Variants in KHDRBS2 observed in about 807,000 individuals in gnomAD.
KHDRBS2 encodes the protein KH RNA binding domain containing, signal transduction associated 2.
KHDRBS2 carries 26 observed loss-of-function variants against 44.3 expected under a neutral mutation model. The ratio of observed to expected loss-of-function variants is 0.59; its 90% CI spans 0.43 to 0.81. The LOEUF (loss-of-function observed/expected upper bound fraction) is 0.81, where lower values mean the gene tolerates loss of function less well. KHDRBS2 is among the 40% of genes least tolerant of loss of function. KHDRBS2 has a pLI of 0.00. For missense variants in KHDRBS2, 476 were observed against 433.1 expected (o/e 1.10, Z -0.88); for synonymous variants, 194 against 151.1 (o/e 1.28, Z -2.08).
intron 1 of KHDRBS2, among the ~76,000 whole-genome samples, chr6:62,272,856 G>A (rs749360123): frequency 6.6e-6 from 1 of 152,126 alleles, no homozygotes; most frequent in African/African-American, 2.4e-5. Context: ...AAGTTAGAAA[G>A]GTGGAAGTAG....
intron 6 of KHDRBS2, among the ~76,000 whole-genome samples, chr6:61,886,593 G>A (rs1305897595): frequency 6.6e-6 from 1 of 152,088 alleles, no homozygotes; most frequent in African/African-American, 2.4e-5. Flanking sequence ...GTGTGCATAT[G>A]TATAACCTTT....
intron 1 of KHDRBS2, among the ~76,000 whole-genome samples, chr6:62,252,484 A>G (rs1836712090): frequency 1.3e-5 from 2 of 151,612 alleles, no homozygotes; most frequent in African/African-American, 2.4e-5. Context: ...TAGATATTGG[A>G]TTTTTTTTAC....
chr6:61,667,897 T>C, the KHDRBS2 span, among the ~76,000 whole-genome samples: 1 of 151,210 alleles, frequency 6.6e-6, no homozygotes, highest in Admixed American at 6.6e-5. Context: ...ACTTAAAATA[T>C]TCAAATATCT....
chr6:62,112,912 C>T (rs868151659), intron 2 of KHDRBS2, among the ~76,000 whole-genome samples: 7 of 152,146 alleles, frequency 4.6e-5, no homozygotes, highest in Admixed American at 1.3e-4. Flanking sequence ...CTAAAATACA[C>T]GCCAAAGTTG....
At chr6:61,595,658 T>G in the KHDRBS2 span, among the ~76,000 whole-genome samples, 1 of 151,952 alleles carries the variant, frequency 6.6e-6, no homozygotes, top group African/African-American at 2.4e-5. Flanking sequence ...GAAAGTAATT[T>G]TGAGCTGTTT....
chr6:62,161,471 C>T (rs936015219), intron 2 of KHDRBS2, among the ~76,000 whole-genome samples: 14 of 145,930 alleles, frequency 9.6e-5, no homozygotes, highest in African/African-American at 3.3e-4. Context: ...TTATGAGTAA[C>T]CTAGATATCA....
chr6:61,650,409 G>GT, the KHDRBS2 span, among the ~76,000 whole-genome samples: 937 of 148,810 alleles, frequency 6.3e-3, 15 homozygotes, highest in South Asian at 0.061. Context: ...TTAAAAAAAT[G>GT]TTTTTTTTTT....
At chr6:62,001,709 G>T (rs533988026) in intron 3 of KHDRBS2, among the ~76,000 whole-genome samples, 1 of 152,164 alleles carries the variant, frequency 6.6e-6, no homozygotes, top group South Asian at 2.1e-4. Flanking sequence ...GACGAATTTG[G>T]TCTTTCCATG....
intron 1 of KHDRBS2, among the ~76,000 whole-genome samples, chr6:62,266,919 A>C (rs1472311798): frequency 1.3e-5 from 2 of 152,044 alleles, no homozygotes; most frequent in Non-Finnish European, 2.9e-5. Context: ...CATTCAAATA[A>C]AAAATATTTT....
At chr6:61,609,922 C>T in the KHDRBS2 span, among the ~76,000 whole-genome samples, 3 of 152,042 alleles carry the variant, frequency 2.0e-5, no homozygotes, top group African/African-American at 7.2e-5. Context: ...GCCTAAAATC[C>T]CAGCATTTTG....
chr6:61,954,832 ATATG>A (rs769331115), intron 4 of KHDRBS2, among the ~76,000 whole-genome samples: 1,905 of 89,130 alleles, frequency 0.021, 128 homozygotes, highest in African/African-American at 0.035. Context: ...ATACACATGC[ATATG>A]TATGTATACA....
intron 2 of KHDRBS2, among the ~76,000 whole-genome samples, chr6:62,130,307 A>G (rs1370643094): frequency 2.0e-5 from 3 of 152,194 alleles, no homozygotes; most frequent in African/African-American, 7.2e-5. Context: ...CACCTCACCA[A>G]TAATCATCCA....
chr6:62,080,999 C>A (rs1023277069), intron 2 of KHDRBS2, among the ~76,000 whole-genome samples: 3 of 152,130 alleles, frequency 2.0e-5, no homozygotes, highest in African/African-American at 4.8e-5. Flanking sequence ...CCTGGAAGCA[C>A]ATCATCATTT....
At chr6:61,732,532 A>G in intron 7 of KHDRBS2, 150 bp downstream of exon 7, 1 of 608,208 alleles carries the variant, frequency 1.6e-6, no homozygotes, top group Non-Finnish European at 2.9e-6. Context: ...TAACTCTCAC[A>G]GTCTGGTAAG....
In KHDRBS2 at chr6:62,250,521, AGAAGGGAGGGAGGGAG is replaced by A. The variant is rs1836337442; in HGVS notation, c.91+35321_91+35336del. On this transcript the variant is annotated intron_variant, in intron 1 of 8. Transcript: ENST00000281156. ...AAGGCAGGAAGTAAAGAAGGAAGGA[AGAAGGGAGGGAGGGAG>A]GAAGGCAGGAAGGCAGGAAGGCAGG... Among the ~76,000 whole-genome samples, 7 of 152,094 alleles carry A rather than the reference AGAAGGGAGGGAGGGAG, an allele frequency of 4.6e-5. No homozygotes were observed. In the South Asian group the frequency reaches 1.5e-3, roughly 32 times the overall value.
chr6:61,741,648 G>A (rs889296295), intron 6 of KHDRBS2, among the ~76,000 whole-genome samples: 1 of 151,766 alleles, frequency 6.6e-6, no homozygotes, highest in Non-Finnish European at 1.5e-5. Flanking sequence ...ACAGGAAATT[G>A]CCATTTTTGT....
chr6:61,694,994 T>G (rs377148044), intron 8 of KHDRBS2, among the ~76,000 whole-genome samples: 167 of 152,118 alleles, frequency 1.1e-3, no homozygotes, highest in African/African-American at 3.9e-3. Context: ...TGGTGCTCAT[T>G]TTGGATTAAT....
the KHDRBS2 span, among the ~76,000 whole-genome samples, chr6:61,553,324 G>C: frequency 4.6e-5 from 7 of 151,760 alleles, no homozygotes; most frequent in Non-Finnish European, 8.8e-5. Flanking sequence ...GAGTTTTTTT[G>C]TTGTTATGGG....
At chr6:62,161,079 C>A (rs1469249611) in intron 2 of KHDRBS2, among the ~76,000 whole-genome samples, 1 of 152,034 alleles carries the variant, frequency 6.6e-6, no homozygotes, top group Non-Finnish European at 1.5e-5. Context: ...CACAGTATTT[C>A]TCCTTTTATG....
Sources: gnomAD v4.1 joint callset for allele counts (sites outside exome capture counted in the v4.1 genomes callset) on GRCh38, gnomAD v4.1.1 for gene constraint, MANE v1.5 for transcripts, NCBI Gene and HGNC (gene_info 2026-07-23, HGNC 2026-07-21) for gene names.